Variants in KYAT1 observed in about 807,000 individuals in gnomAD.
KYAT1 encodes the protein kynurenine aminotransferase 1.
A neutral mutation model predicts 52.4 loss-of-function variants in KYAT1; 47 were observed. The observed-to-expected ratio is 0.90, with a 90% confidence interval of 0.71 to 1.14. KYAT1 has a LOEUF of 1.14. Ranked by LOEUF, KYAT1 falls within the 50% of genes most tolerant of loss-of-function variation. The pLI is 0.00. For synonymous variants in KYAT1, 212 were observed against 209.6 expected (o/e 1.01, Z -0.10); for missense variants, 480 against 557.9 (o/e 0.86, Z 1.41).
In KYAT1 at chr9:128,856,019, C is replaced by A. The variant is rs1002140423; in HGVS notation, c.-6-10608G>T. Among the ~76,000 whole-genome samples the A allele has an allele frequency of 2.6e-5, 4 of 152,176 alleles. No individual in the cohort carries two copies. The South Asian group carries it at 8.3e-4, about 31-fold the overall frequency. On this transcript the variant is annotated intron_variant, in intron 1 of 12. Transcript: ENST00000302586. ...CTGTCATTTGAATGAGAGATAGGCTCATGAGCTTAGAATATCTTTTTCAGT... is the reference window on the plus strand; with the variant it reads ...CTGTCATTTGAATGAGAGATAGGCTAATGAGCTTAGAATATCTTTTTCAGT...
chr9:128,871,026 G>A (rs1028007566), intron 1 of KYAT1, among the ~76,000 whole-genome samples: 2 of 150,520 alleles, frequency 1.3e-5, no homozygotes, highest in African/African-American at 4.9e-5. Context: ...TTTTTAAATT[G>A]TAGAGACAGG....
At chr9:128,869,636 G>T (rs540964335) in intron 1 of KYAT1, among the ~76,000 whole-genome samples, 2 of 152,108 alleles carry the variant, frequency 1.3e-5, no homozygotes, top group Non-Finnish European at 2.9e-5. Context: ...GTCTCACCAC[G>T]TTGCCCAGGC....
chr9:128,843,276 C>T (rs1363082485), intron 2 of KYAT1, among the ~76,000 whole-genome samples: 1 of 152,202 alleles, frequency 6.6e-6, no homozygotes, highest in Non-Finnish European at 1.5e-5. Context: ...AGTGTCACAG[C>T]TGGTCCCCTA....
In KYAT1 at chr9:128,834,995, G is replaced by A. The variant is rs189154736; in HGVS notation, c.1122+328C>T. ...ACCAAAAATACAAAAAAAATTAGCC[G>A]GGCAAAAAAAAGTAGCCTGTGGTCC... On this transcript the variant is annotated intron_variant, in intron 11 of 12. Transcript: ENST00000302586. Among the ~76,000 whole-genome samples, 8 of 151,644 alleles carry A rather than the reference G, an allele frequency of 5.3e-5. 1 individual carries two copies. The South Asian group carries it at 6.2e-4, about 12-fold the overall frequency.
chr9:128,879,063 C>A (rs1838428810), intron 1 of KYAT1, among the ~76,000 whole-genome samples: 1 of 152,220 alleles, frequency 6.6e-6, no homozygotes, highest in Non-Finnish European at 1.5e-5. Context: ...GTAATCCCAG[C>A]ACTTTGGGAG....
chr9:128,852,895 A>G (rs1834124898), intron 1 of KYAT1, among the ~76,000 whole-genome samples: 1 of 152,198 alleles, frequency 6.6e-6, no homozygotes, highest in Non-Finnish European at 1.5e-5. Flanking sequence ...GAATTAGTTG[A>G]AGAAAAAATT....
chr9:128,850,028 G>A (rs531712790), intron 1 of KYAT1, among the ~76,000 whole-genome samples: 2 of 151,570 alleles, frequency 1.3e-5, no homozygotes, highest in African/African-American at 2.4e-5. Flanking sequence ...GGGATTATAC[G>A]TGTGTGCCAC....
intron 1 of KYAT1, among the ~76,000 whole-genome samples, chr9:128,870,258 A>C (rs75247007): frequency 0.055 from 8,429 of 152,252 alleles, 278 homozygotes; most frequent in African/African-American, 0.096. Context: ...TGAATGGATA[A>C]ATTGTAACAT....
intron 1 of KYAT1, among the ~76,000 whole-genome samples, chr9:128,868,011 G>A (rs1245403993): frequency 1.3e-5 from 2 of 152,044 alleles, no homozygotes; most frequent in African/African-American, 2.4e-5. Context: ...CTGACCTCGT[G>A]AGCCACCCGC....
At chr9:128,871,040 G>A (rs1837156534) in intron 1 of KYAT1, among the ~76,000 whole-genome samples, 1 of 152,060 alleles carries the variant, frequency 6.6e-6, no homozygotes, top group South Asian at 2.1e-4. Context: ...AGACAGGCTG[G>A]CCGCGGTGAC....
chr9:128,879,992 G>A (rs1224165949), intron 1 of KYAT1, among the ~76,000 whole-genome samples: 9 of 152,172 alleles, frequency 5.9e-5, no homozygotes, highest in Non-Finnish European at 8.8e-5. Context: ...CCTTCCTAGG[G>A]AGGGAGGGAG....
In KYAT1 at chr9:128,865,328, TATATATATATATATA is replaced by T. The variant is rs1836102218; in HGVS notation, c.-7+16554_-7+16568del. Among the ~76,000 whole-genome samples, 13 of 36,642 alleles carry T rather than the reference TATATATATATATATA, an allele frequency of 3.5e-4. 1 individual carries two copies. Among genetic ancestry groups the T allele is most frequent in the African/African-American group, 1.1e-3 (3 of 2,794 alleles). 24.0% of individuals were successfully genotyped at this position (36,642 alleles called of 152,430 possible). Reference sequence around the variant, plus strand: ...GCCTACATATATATATATATATATATATATATATATATATATATATATATATATATATTTTTTTTT... The same window carrying T: ...GCCTACATATATATATATATATATATTATATATATATATATATTTTTTTTT... On this transcript the variant is annotated intron_variant, in intron 1 of 12. Coordinates refer to ENST00000302586, the MANE Select transcript of KYAT1 (RefSeq NM_004059.5).
chr9:128,833,243 G>T lies in KYAT1; in HGVS notation c.*341C>A, dbSNP rs76253609. On this transcript the variant is annotated 3_prime_UTR_variant, in exon 13 of 13. Transcript: ENST00000302586. The stretch of plus-strand genomic sequence containing the variant: ...AGGTTATACCTGAGCCTTAGCAGGG[G>T]CCATGCAGAGCTGGGATGTGATCGG... 8.3e-3 allele frequency: 3,481 copies of T among 418,258 alleles called. 108 individuals carry two copies. Among genetic ancestry groups the T allele is most frequent in the African/African-American group, 0.064 (3,206 of 50,330 alleles). 25.9% of individuals were successfully genotyped at this position (418,258 alleles called of 1,614,324 possible).
intron 1 of KYAT1, among the ~76,000 whole-genome samples, chr9:128,880,549 C>T (rs1268572160): frequency 6.6e-6 from 1 of 151,938 alleles, no homozygotes; most frequent in Non-Finnish European, 1.5e-5. Context: ...TCATGCCATT[C>T]TCCTGCCTCA....
chr9:128,846,614 A>AG, intron 1 of KYAT1: 1 of 1,027,336 alleles, frequency 9.7e-7, no homozygotes. Context: ...AAAAAAAAAA[A>AG]AAAAAAAAAA....
rs146777112 is a variant in KYAT1 at position 128,853,630 on chromosome 9, G to T, written c.-6-8219C>A. Among the ~76,000 whole-genome samples, 62 of 152,184 alleles carry T rather than the reference G, an allele frequency of 4.1e-4. 1 individual carries two copies. The highest frequency in any genetic ancestry group is 4.6e-4 in the Non-Finnish European group (31 of 68,008). On this transcript the variant is annotated intron_variant, in intron 1 of 12. Transcript: ENST00000302586. ...TTCCCATTTTATATTACTCATATTC[G>T]AACACATACTAATTTACCAGGGCCT...
At chr9:128,833,917 G>A (rs770974441) in intron 11 of KYAT1, 91 bp from the exon 12 acceptor site, 289 of 994,596 alleles carry the variant, frequency 2.9e-4, no homozygotes, top group Non-Finnish European at 4.3e-4. Context: ...ACGACCAGGC[G>A]GGGAAGGAGA....
At chr9:128,846,764 T>C (rs1833168331) in intron 1 of KYAT1, 2 of 1,535,472 alleles carry the variant, frequency 1.3e-6, no homozygotes, top group Non-Finnish European at 1.7e-6. Flanking sequence ...ATGGGCTTTG[T>C]GGTCCCTGAG....
chr9:128,854,372 G>T (rs1429465986), intron 1 of KYAT1, among the ~76,000 whole-genome samples: 1 of 152,132 alleles, frequency 6.6e-6, no homozygotes, highest in Non-Finnish European at 1.5e-5. Flanking sequence ...AGGAAAAACT[G>T]ATTTGGTAAA....
Sources: gnomAD v4.1 joint callset for allele counts (sites outside exome capture counted in the v4.1 genomes callset) on GRCh38, gnomAD v4.1.1 for gene constraint, MANE v1.5 for transcripts, NCBI Gene and HGNC (gene_info 2026-07-23, HGNC 2026-07-21) for gene names.